Variants in THSD7B observed in about 807,000 individuals in gnomAD.
THSD7B encodes the protein thrombospondin type-1 domain-containing protein 7B.
THSD7B carries 138 observed loss-of-function variants against 213.6 expected under a neutral mutation model. The ratio of observed to expected loss-of-function variants is 0.65; its 90% CI spans 0.56 to 0.74. THSD7B has a LOEUF of 0.74. Ranked by LOEUF, THSD7B falls within the 30% of genes least tolerant of loss-of-function variation. The pLI, the probability that THSD7B is intolerant of heterozygous loss-of-function variation, is 0.00. For missense variants in THSD7B, 1,931 were observed against 1,991.5 expected (o/e 0.97, Z 0.58); for synonymous variants, 742 against 687.0 (o/e 1.08, Z -1.25).
intron 20 of THSD7B, among the ~76,000 whole-genome samples, chr2:137,623,046 T>C (rs1326777859): frequency 3.9e-5 from 6 of 152,140 alleles, no homozygotes; most frequent in African/African-American, 1.2e-4. Flanking sequence ...TTTAGACCAA[T>C]ATCCTTGATG....
chr2:137,327,588 T>C (rs1684401713), intron 12 of THSD7B, among the ~76,000 whole-genome samples: 1 of 152,204 alleles, frequency 6.6e-6, no homozygotes. Context: ...CCCATCTTGC[T>C]TTCTCTTCCA....
chr2:137,309,864 C>G (rs1222780950), intron 12 of THSD7B, among the ~76,000 whole-genome samples: 1 of 152,106 alleles, frequency 6.6e-6, no homozygotes, highest in Non-Finnish European at 1.5e-5. Context: ...GCATAGTATT[C>G]CATGGTGTAT....
intron 12 of THSD7B, among the ~76,000 whole-genome samples, chr2:137,346,917 C>T (rs1398209223): frequency 6.6e-6 from 1 of 151,588 alleles, no homozygotes; most frequent in Non-Finnish European, 1.5e-5. Context: ...CTTTGAGATT[C>T]TGATTTCATT....
intron 15 of THSD7B, among the ~76,000 whole-genome samples, chr2:137,501,773 A>G (rs1371625817): frequency 6.6e-6 from 1 of 152,236 alleles, no homozygotes; most frequent in African/African-American, 2.4e-5. Context: ...CTGGGTTAGC[A>G]AGGAAATTAG....
intron 10 of THSD7B, among the ~76,000 whole-genome samples, chr2:137,245,666 A>G (rs191442676): frequency 1.5e-4 from 23 of 152,168 alleles, no homozygotes; most frequent in South Asian, 4.1e-4. Context: ...CACTTCCACC[A>G]TCTTCACAAC....
chr2:137,217,197 C>G (rs1005781196), intron 7 of THSD7B, among the ~76,000 whole-genome samples: 9 of 152,180 alleles, frequency 5.9e-5, no homozygotes, highest in African/African-American at 2.2e-4. Context: ...TCAGATGGTG[C>G]CTTGCAAAGC....
At chr2:136,909,688 A>C (rs910129412) in intron 2 of THSD7B, among the ~76,000 whole-genome samples, 1 of 152,232 alleles carries the variant, frequency 6.6e-6, no homozygotes, top group Non-Finnish European at 1.5e-5. Context: ...AATAAGGGGA[A>C]AAGTGAATGA....
At chr2:137,398,479 G>C (rs1686256339) in intron 12 of THSD7B, among the ~76,000 whole-genome samples, 1 of 151,904 alleles carries the variant, frequency 6.6e-6, no homozygotes, top group African/African-American at 2.4e-5. Context: ...GCTGCTCGAG[G>C]GTCAGGGGTC....
At chr2:137,119,628 G>A (rs9287461) in intron 5 of THSD7B, among the ~76,000 whole-genome samples, 112,952 of 152,048 alleles carry the variant, frequency 0.74, 42,456 homozygotes, top group Non-Finnish European at 0.79. Flanking sequence ...TTACAATGAC[G>A]GTGGAAAGGT....
chr2:136,788,334 C>T (rs1424724190), intron 1 of THSD7B, among the ~76,000 whole-genome samples: 1 of 152,152 alleles, frequency 6.6e-6, no homozygotes, highest in Non-Finnish European at 1.5e-5. Context: ...TACTAGTGGT[C>T]TGTTGGAACA....
At chr2:137,434,982 A>G (rs888732627) in intron 14 of THSD7B, among the ~76,000 whole-genome samples, 1 of 152,164 alleles carries the variant, frequency 6.6e-6, no homozygotes, top group African/African-American at 2.4e-5. Context: ...CTTCAGTACT[A>G]TTACATTGAA....
At chr2:137,132,452 C>T (rs1030863307) in intron 5 of THSD7B, among the ~76,000 whole-genome samples, 1 of 151,866 alleles carries the variant, frequency 6.6e-6, no homozygotes, top group Admixed American at 6.6e-5. Flanking sequence ...ATAGACCTTT[C>T]CTACTGATAA....
intron 7 of THSD7B, among the ~76,000 whole-genome samples, chr2:137,212,430 A>T (rs1462139584): frequency 6.6e-6 from 1 of 152,086 alleles, no homozygotes; most frequent in Non-Finnish European, 1.5e-5. Flanking sequence ...AGATTTGGGA[A>T]TGCTTGAAAA....
At chr2:137,016,104 A>G (rs1341914136) in intron 2 of THSD7B, among the ~76,000 whole-genome samples, 1 of 152,092 alleles carries the variant, frequency 6.6e-6, no homozygotes, top group Non-Finnish European at 1.5e-5. Context: ...TTACAGGGGG[A>G]AATTGCATTT....
chr2:137,450,898 G>T lies in THSD7B; in HGVS notation c.3013G>T (p.Asp1005Tyr), dbSNP rs1457870589. 1 of 1,612,206 alleles carries T rather than the reference G, an allele frequency of 6.2e-7. No homozygotes were observed. Among genetic ancestry groups the T allele is most frequent in the African/African-American group, 1.3e-5 (1 of 74,800 alleles). Residue 1005 changes from aspartate to tyrosine, a missense_variant, in exon 15 of 28, where the codon GAT becomes TAT. Physicochemically the swap from Asp to Tyr is radical, Grantham distance 160 (BLOSUM62 -3). Coordinates refer to ENST00000409968, the MANE Select transcript of THSD7B (RefSeq NM_001316349.2). ...CTGCCCATTTGATTGCAAGTTAAGCGATTGGTCTAGTTGGGGGTCTTGCAG... is the reference window on the plus strand; with the variant it reads ...CTGCCCATTTGATTGCAAGTTAAGCTATTGGTCTAGTTGGGGGTCTTGCAG... ...IPCPFDCKLS[D>Y]WSSWGSCSSS... is the part of the protein sequence containing the mutation.
At chr2:137,308,378 G>C (rs916887924) in intron 12 of THSD7B, among the ~76,000 whole-genome samples, 2 of 152,084 alleles carry the variant, frequency 1.3e-5, no homozygotes, top group Non-Finnish European at 2.9e-5. Flanking sequence ...AGAAGATCTG[G>C]TTGAAGCATT....
At chr2:137,478,037 G>A (rs895223139) in intron 15 of THSD7B, among the ~76,000 whole-genome samples, 5 of 151,806 alleles carry the variant, frequency 3.3e-5, no homozygotes, top group East Asian at 1.9e-4. Flanking sequence ...TTTGTTTGAC[G>A]TTTGAGACTG....
At chr2:137,648,077 A>G (rs1046157839) in intron 21 of THSD7B, among the ~76,000 whole-genome samples, 8 of 152,128 alleles carry the variant, frequency 5.3e-5, no homozygotes, top group African/African-American at 1.9e-4. Flanking sequence ...ACAAAATTTT[A>G]TTTTTTATTT....
At chr2:137,270,170 A>AG (rs1352404676) in intron 10 of THSD7B, among the ~76,000 whole-genome samples, 2 of 89,448 alleles carry the variant, frequency 2.2e-5, no homozygotes, top group Non-Finnish European at 4.3e-5. Context: ...GAGGCAATAC[A>AG]GAGATGGAAT....
Sources: allele counts gnomAD v4.1 joint callset (sites outside exome capture counted in the v4.1 genomes callset), GRCh38; gene constraint gnomAD v4.1.1; transcripts MANE v1.5; gene names NCBI Gene and HGNC (gene_info 2026-07-23, HGNC 2026-07-21).